Variants in CCDC33 observed in about 807,000 individuals in gnomAD.
CCDC33 encodes coiled-coil domain containing 33, also known as coiled-coil domain-containing protein 33.
Under a neutral mutation model 91.9 loss-of-function variants are expected in CCDC33, and 94 were observed. The ratio of observed to expected loss-of-function variants is 1.02; its 90% CI spans 0.87 to 1.21. The LOEUF (loss-of-function observed/expected upper bound fraction) is 1.21, where lower values mean the gene tolerates loss of function less well. CCDC33 is among the 50% of genes most tolerant of loss of function. CCDC33 has a pLI of 0.00. For missense variants in CCDC33, 940 were observed against 935.5 expected (o/e 1.00, Z -0.06); for synonymous variants, 396 against 374.5 (o/e 1.06, Z -0.66).
At chr15:74,332,901 AC>A in intron 16 of CCDC33, 56 bp downstream of exon 16, 1 of 1,579,680 alleles carries the variant, frequency 6.3e-7, no homozygotes, top group Non-Finnish European at 8.6e-7. Flanking sequence ...CCCAGAAATC[AC>A]CCATGGTACA....
At chr15:74,208,087 G>A in intron 1 of CCDC33, 1 of 1,196,862 alleles carries the variant, frequency 8.4e-7, no homozygotes, top group Non-Finnish European at 1.1e-6. Flanking sequence ...CTGGTATGAG[G>A]GTGGACACTG....
intron 11 of CCDC33, chr15:74,318,456 T>C: frequency 2.9e-6 from 1 of 339,426 alleles, no homozygotes; most frequent in Non-Finnish European, 5.7e-6. Context: ...CCCCCCACCC[T>C]GGAACAAAGG....
intron 2 of CCDC33, among the ~76,000 whole-genome samples, chr15:74,223,765 C>CACACACACAT (rs1555460809): frequency 4.6e-5 from 4 of 87,154 alleles, no homozygotes; most frequent in African/African-American, 1.8e-4. Context: ...CACACACACA[C>CACACACACAT]GCAAGCATGC....
chr15:74,222,551 C>A (rs888029415), intron 2 of CCDC33, among the ~76,000 whole-genome samples: 2 of 143,384 alleles, frequency 1.4e-5, no homozygotes, highest in Non-Finnish European at 1.5e-5. Context: ...TTTTTAATTC[C>A]TTCCGTTTAA....
At chr15:74,264,444 C>T (rs951789744) in intron 3 of CCDC33, among the ~76,000 whole-genome samples, 1 of 152,094 alleles carries the variant, frequency 6.6e-6, no homozygotes, top group African/African-American at 2.4e-5. Context: ...GAGTGGCTGT[C>T]CATTACCCCC....
intron 5 of CCDC33, among the ~76,000 whole-genome samples, chr15:74,271,342 C>T (rs1022419257): frequency 3.3e-5 from 5 of 152,174 alleles, no homozygotes; most frequent in Non-Finnish European, 7.4e-5. Context: ...ACCCCTAGCC[C>T]AACCCCTCCC....
chr15:74,311,065 G>GGGGCCTCTAGCACC (rs996919953), intron 11 of CCDC33, among the ~76,000 whole-genome samples: 1 of 152,142 alleles, frequency 6.6e-6, no homozygotes, highest in Non-Finnish European at 1.5e-5. Flanking sequence ...CAGGGCGCAC[G>GGGGCCTCTAGCACC]GGGCCTGTAG....
At chr15:74,239,361 C>A (rs530805512) in intron 1 of CCDC33, among the ~76,000 whole-genome samples, 71 of 152,276 alleles carry the variant, frequency 4.7e-4, no homozygotes, top group Admixed American at 4.6e-3. Flanking sequence ...TTGTTCCTAC[C>A]TCCTCCTCTC....
At chr15:74,271,186 A>G (rs1167807588) in intron 5 of CCDC33, among the ~76,000 whole-genome samples, 1 of 152,130 alleles carries the variant, frequency 6.6e-6, no homozygotes, top group Non-Finnish European at 1.5e-5. Context: ...CAGGAAGTTC[A>G]GCATGGTCGG....
At chr15:74,250,670 C>G (rs2075680438) in intron 2 of CCDC33, among the ~76,000 whole-genome samples, 1 of 152,208 alleles carries the variant, frequency 6.6e-6, no homozygotes, top group Non-Finnish European at 1.5e-5. Flanking sequence ...CCCACTAGTT[C>G]CGTGGACAAC....
At chr15:74,264,100 A>G (rs1041549136) in intron 3 of CCDC33, among the ~76,000 whole-genome samples, 2 of 150,880 alleles carry the variant, frequency 1.3e-5, no homozygotes, top group Non-Finnish European at 2.9e-5. Flanking sequence ...GAGAGTGGGG[A>G]GGCCTCATGG....
At chr15:74,326,499 A>G (rs913202182) in intron 11 of CCDC33, among the ~76,000 whole-genome samples, 3 of 152,210 alleles carry the variant, frequency 2.0e-5, no homozygotes, top group Non-Finnish European at 4.4e-5. Context: ...GGCTCAGAGA[A>G]CAGCCTCCCT....
At chr15:74,305,570 C>G (rs1410324797) in intron 11 of CCDC33, among the ~76,000 whole-genome samples, 2 of 152,160 alleles carry the variant, frequency 1.3e-5, no homozygotes, top group Non-Finnish European at 2.9e-5. Context: ...GCTTCAGGAG[C>G]CAAGAAGGGG....
At chr15:74,272,547 A>G (rs1365563070) in intron 6 of CCDC33, among the ~76,000 whole-genome samples, 3 of 152,142 alleles carry the variant, frequency 2.0e-5, no homozygotes, top group African/African-American at 4.8e-5. Flanking sequence ...TCTCCTGTTG[A>G]GTTTTTATGA....
At chr15:74,281,872 G>T in intron 10 of CCDC33, 23 bp downstream of exon 10, 2 of 1,606,122 alleles carry the variant, frequency 1.2e-6, no homozygotes, top group Non-Finnish European at 1.7e-6. Context: ...GCCAGGGGAG[G>T]GTCAGGGCCA....
chr15:74,219,207 C>G (rs2074525096), intron 2 of CCDC33, among the ~76,000 whole-genome samples: 1 of 152,208 alleles, frequency 6.6e-6, no homozygotes, highest in African/African-American at 2.4e-5. Flanking sequence ...ACAGAAGCCT[C>G]CTCTGTGTGC....
At chr15:74,207,946 GTC>G (rs1241622049) in intron 1 of CCDC33, 2 of 1,453,142 alleles carry the variant, frequency 1.4e-6, no homozygotes, top group Non-Finnish European at 1.8e-6. Context: ...TCCACCTCCT[GTC>G]TCTCTACCTC....
At chr15:74,333,225 AC>A in intron 16 of CCDC33, 1 of 1,581,138 alleles carries the variant, frequency 6.3e-7, no homozygotes. Context: ...TCCCAGGTGG[AC>A]CCCGGGGAGT....
chr15:74,238,606 A>G (rs1164732559), intron 1 of CCDC33, among the ~76,000 whole-genome samples: 2 of 152,044 alleles, frequency 1.3e-5, no homozygotes, highest in Non-Finnish European at 2.9e-5. Context: ...TTTGTATTGC[A>G]GGGCATTTTG....
Sources: allele counts gnomAD v4.1 joint callset (sites outside exome capture counted in the v4.1 genomes callset), GRCh38; gene constraint gnomAD v4.1.1; transcripts MANE v1.5; gene names NCBI Gene and HGNC (gene_info 2026-07-23, HGNC 2026-07-21).